LRBA: variants seen among roughly 807,000 people sequenced by gnomAD.
LRBA encodes the protein lipopolysaccharide-responsive and beige-like anchor protein.
A neutral mutation model predicts 330.0 loss-of-function variants in LRBA; 176 were observed. The ratio of observed to expected loss-of-function variants is 0.53; its 90% CI spans 0.47 to 0.60. The LOEUF (loss-of-function observed/expected upper bound fraction) is 0.60. Ranked by LOEUF, LRBA falls within the 20% of genes least tolerant of loss-of-function variation. The pLI is 0.00. For synonymous variants in LRBA, 1,230 were observed against 1,193.0 expected (o/e 1.03, Z -0.64); for missense variants, 3,259 against 3,444.8 (o/e 0.95, Z 1.35).
intron 28 of LRBA, 25 bp from the exon 29 acceptor site, chr4:150,832,001 G>T: frequency 7.0e-7 from 1 of 1,421,634 alleles, no homozygotes; most frequent in Non-Finnish European, 9.4e-7. Context: ...TAAAGGAGTT[G>T]ATTATGTAAC....
chr4:150,590,463 G>C (rs1303784867), intron 39 of LRBA, among the ~76,000 whole-genome samples: 2 of 151,148 alleles, frequency 1.3e-5, no homozygotes, highest in Admixed American at 6.6e-5. Flanking sequence ...TTCTTTTGTT[G>C]CTGCTTTTAA....
intron 47 of LRBA, among the ~76,000 whole-genome samples, chr4:150,360,208 G>A (rs1738493402): frequency 6.6e-6 from 1 of 151,342 alleles, no homozygotes; most frequent in African/African-American, 2.4e-5. Flanking sequence ...GCCCAGGCCA[G>A]TCTTGAACTC....
chr4:150,673,687 TTATC>T (rs1782277905), intron 37 of LRBA, among the ~76,000 whole-genome samples: 1 of 152,146 alleles, frequency 6.6e-6, no homozygotes, highest in South Asian at 2.1e-4. Flanking sequence ...ACTTCAACCT[TTATC>T]TATATTTATT....
intron 36 of LRBA, among the ~76,000 whole-genome samples, chr4:150,717,661 A>AAATAATAATAGTAATAATAAT (rs1728393969): frequency 3.5e-5 from 1 of 28,246 alleles, no homozygotes; most frequent in Non-Finnish European, 1.4e-4. Context: ...CTCTGTCTCA[A>AAATAATAATAGTAATAATAAT]AATAACAATA....
At chr4:150,324,158 T>A (rs1330154080) in intron 49 of LRBA, among the ~76,000 whole-genome samples, 1 of 152,166 alleles carries the variant, frequency 6.6e-6, no homozygotes. Flanking sequence ...GCTCTGCCTG[T>A]ATGAGCCAAT....
intron 44 of LRBA, among the ~76,000 whole-genome samples, chr4:150,455,082 G>A (rs1376786195): frequency 1.5e-4 from 22 of 150,518 alleles, no homozygotes; most frequent in South Asian, 6.3e-4. Context: ...CCACTAACTC[G>A]TCATCTAGCA....
At chr4:150,342,397 A>C (rs1043666456) in intron 48 of LRBA, among the ~76,000 whole-genome samples, 1 of 152,194 alleles carries the variant, frequency 6.6e-6, no homozygotes, top group East Asian at 1.9e-4. Flanking sequence ...AAAGAAGAGT[A>C]AACAGATAAA....
intron 47 of LRBA, among the ~76,000 whole-genome samples, chr4:150,361,434 TGA>T (rs930618674): frequency 5.3e-5 from 8 of 152,216 alleles, no homozygotes; most frequent in African/African-American, 1.7e-4. Context: ...GGCACACCAC[TGA>T]AAATGTTTTT....
At chr4:151,000,590 G>A (rs970349552) in intron 2 of LRBA, among the ~76,000 whole-genome samples, 8 of 152,170 alleles carry the variant, frequency 5.3e-5, no homozygotes, top group Admixed American at 6.5e-5. Flanking sequence ...TAGCATATAC[G>A]TAGAGCATGG....
At chr4:150,640,241 A>G (rs1778542450) in intron 37 of LRBA, among the ~76,000 whole-genome samples, 1 of 152,138 alleles carries the variant, frequency 6.6e-6, no homozygotes. Context: ...CTACACCAGT[A>G]TCTATTCACC....
At chr4:150,777,946 C>G (rs1185157978) in intron 34 of LRBA, among the ~76,000 whole-genome samples, 13 of 138,006 alleles carry the variant, frequency 9.4e-5, no homozygotes, top group African/African-American at 3.6e-4. Flanking sequence ...TGCATTCCAG[C>G]CTGGAGACAG....
At chr4:150,805,351 G>A (rs1361889984) in intron 33 of LRBA, among the ~76,000 whole-genome samples, 13 of 112,746 alleles carry the variant, frequency 1.2e-4, no homozygotes, top group African/African-American at 3.7e-4. Context: ...GAAGGAGAAG[G>A]AAAGAAAAGG....
intron 37 of LRBA, among the ~76,000 whole-genome samples, chr4:150,636,923 C>T (rs1356750811): frequency 6.6e-6 from 1 of 152,194 alleles, no homozygotes; most frequent in Non-Finnish European, 1.5e-5. Context: ...GCTGGGATTA[C>T]AGGCGTGAAC....
chr4:150,987,167 T>G (rs1741555349), intron 2 of LRBA, among the ~76,000 whole-genome samples: 1 of 152,170 alleles, frequency 6.6e-6, no homozygotes, highest in Non-Finnish European at 1.5e-5. Context: ...GAACTTAAAT[T>G]ACACAGTGGT....
chr4:150,932,543 A>G (rs1407225184), intron 2 of LRBA, among the ~76,000 whole-genome samples: 1 of 152,202 alleles, frequency 6.6e-6, no homozygotes, highest in Non-Finnish European at 1.5e-5. Context: ...AATAATACAT[A>G]GTATGTGCAA....
chr4:150,911,480 T>C (rs543735413), intron 9 of LRBA, among the ~76,000 whole-genome samples: 2 of 152,352 alleles, frequency 1.3e-5, no homozygotes, highest in South Asian at 4.1e-4. Flanking sequence ...AATTCACTGT[T>C]AGTGTGGTAC....
intron 22 of LRBA, among the ~76,000 whole-genome samples, chr4:150,861,712 C>A (rs948376747): frequency 1.3e-5 from 2 of 152,102 alleles, no homozygotes; most frequent in Non-Finnish European, 2.9e-5. Flanking sequence ...AAGAAATTAA[C>A]CTCAGCTTAC....
chr4:150,908,577 G>T (rs2127165707), intron 10 of LRBA, 83 bp downstream of exon 10: 1 of 1,446,602 alleles, frequency 6.9e-7, no homozygotes, highest in Non-Finnish European at 9.5e-7. Flanking sequence ...CATTCCATGT[G>T]TTTAACAGAA....
At chr4:150,547,197 T>G (rs1306423985) in intron 40 of LRBA, among the ~76,000 whole-genome samples, 2 of 152,098 alleles carry the variant, frequency 1.3e-5, no homozygotes, top group East Asian at 3.9e-4. Flanking sequence ...ACCTACTCAT[T>G]GGTATTAGGT....
Sources: gnomAD v4.1 joint callset for allele counts (sites outside exome capture counted in the v4.1 genomes callset) on GRCh38, gnomAD v4.1.1 for gene constraint, MANE v1.5 for transcripts, NCBI Gene and HGNC (gene_info 2026-07-23, HGNC 2026-07-21) for gene names.